NKTR: variants seen among roughly 807,000 people sequenced by gnomAD.
The protein encoded by NKTR is NK-tumor recognition protein.
Under a neutral mutation model 156.3 loss-of-function variants are expected in NKTR, and 67 were observed. The ratio of observed to expected loss-of-function variants is 0.43; its 90% CI spans 0.35 to 0.53. The LOEUF is 0.53. Ranked by LOEUF, NKTR falls within the 20% of genes least tolerant of loss-of-function variation. NKTR has a pLI of 0.01. For missense variants in NKTR, 1,604 were observed against 1,730.9 expected, an observed-to-expected ratio of 0.93 and a Z score of 1.30; for synonymous variants, 640 against 596.6, an observed-to-expected ratio of 1.07 and a Z score of -1.06.
At chr3:42,615,382 A>ATT (rs532851344) in intron 2 of NKTR, among the ~76,000 whole-genome samples, 5 of 139,292 alleles carry the variant, frequency 3.6e-5, no homozygotes, top group African/African-American at 2.6e-5. Flanking sequence ...CCTGGCCGAG[A>ATT]TTTTTTTTTT....
intron 6 of NKTR, among the ~76,000 whole-genome samples, chr3:42,625,694 A>G (rs1208854346): frequency 6.6e-6 from 1 of 152,164 alleles, no homozygotes; most frequent in Non-Finnish European, 1.5e-5. Context: ...GAGAAGCTCT[A>G]GCTTTTTCCT....
chr3:42,629,840 T>C, intron 6 of NKTR: 9 of 985,446 alleles, frequency 9.1e-6, no homozygotes, highest in Non-Finnish European at 1.1e-5. Context: ...TTGGTGACTG[T>C]AGAAGAAGCT....
chr3:42,643,366 C>G lies in NKTR; in HGVS notation c.4170C>G (p.Ser1390Arg). 6.2e-7 allele frequency: 1 copy of G among 1,614,096 alleles called. No homozygotes were observed. Among genetic ancestry groups the G allele is most frequent in the Non-Finnish European group, 8.5e-7 (1 of 1,179,950 alleles). ...HRTSSRSRSR[S>R]SSYDPHSRSR... ...CGTCCAGCAGGAGCAGATCCAGGAG[C>G]AGCTCATATGATCCCCACAGTCGAT... Residue 1390 changes from serine (S) to arginine (R), a missense_variant, in exon 15 of 17, where the codon AGC (serine) becomes AGG (arginine). By Grantham distance (110) the Ser-to-Arg change is moderately radical. Transcript: ENST00000232978.
At chr3:42,609,089 C>T (rs1706520028) in intron 2 of NKTR, among the ~76,000 whole-genome samples, 1 of 151,656 alleles carries the variant, frequency 6.6e-6, no homozygotes, top group Non-Finnish European at 1.5e-5. Context: ...GATCATACCA[C>T]TGCACTCCTG....
At chr3:42,643,439 A>C (rs1303328883) in intron 15 of NKTR, 44 bp downstream of exon 15, 1 of 1,485,686 alleles carries the variant, frequency 6.7e-7, no homozygotes, top group Non-Finnish European at 9.4e-7. Flanking sequence ...CAGAACTGAA[A>C]GATCTTGTTT....
intron 2 of NKTR, among the ~76,000 whole-genome samples, chr3:42,609,691 G>A (rs1173980414): frequency 1.3e-5 from 2 of 152,160 alleles, no homozygotes; most frequent in Non-Finnish European, 2.9e-5. Context: ...CTAAGAACAA[G>A]GTATCTCTCC....
chr3:42,638,806 A>G lies in NKTR; in HGVS notation c.3102A>G (p.Gln1034=). ...AGGAGGAGGAGATTGATGACAAGCA[A>G]GTTACTCAGGAATCAAAAGAGAAAA... ...EEEEEEIDDK[Q]VTQESKEKKV... The change falls in exon 13 of 17, where the codon CAA becomes CAG. Residue 1034 remains glutamine, a synonymous_variant. Coordinates refer to ENST00000232978, the MANE Select transcript of NKTR (RefSeq NM_005385.4). The G allele has an allele frequency of 6.2e-7, 1 of 1,610,244 alleles. No individual in the cohort carries two copies. The highest frequency in any genetic ancestry group is 1.1e-5 in the South Asian group (1 of 89,958).
chr3:42,603,360 TAAAAAA>T (rs376932471), intron 2 of NKTR, among the ~76,000 whole-genome samples: 1 of 92,744 alleles, frequency 1.1e-5, no homozygotes, highest in Non-Finnish European at 2.4e-5. Flanking sequence ...ATCTTGTTTC[TAAAAAA>T]AAAAAAAAAA....
chr3:42,623,936 G>T (rs1708141451), intron 6 of NKTR: 1 of 152,052 alleles, frequency 6.6e-6, no homozygotes, highest in South Asian at 2.1e-4. Context: ...TGTAGTTTTT[G>T]TTACAAATCT....
chr3:42,634,889 A>G, intron 11 of NKTR, 189 bp downstream of exon 11: 1 of 500,358 alleles, frequency 2.0e-6, no homozygotes, highest in East Asian at 3.2e-5. Context: ...GGTTTAATTG[A>G]GTATGAAAGG....
At position 42,638,163 on chromosome 3, in the gene NKTR, A is replaced by G; in HGVS notation, c.2459A>G (p.Gln820Arg). Reference protein sequence around the residue: ...DSEQSSVQATQSAQEKEKQGQ... With the variant: ...DSEQSSVQATRSAQEKEKQGQ... ...GAGCAGTCAAGTGTTCAGGCCACAC[A>G]GTCAGCCCAGGAAAAAGAGAAGCAG... The change falls in exon 13 of 17, where the codon CAG (glutamine) becomes CGG (arginine). Residue 820 changes from glutamine to arginine, a missense_variant. This residue lies in a region of NKTR where 1,255 missense variants were observed against 1,243.7 expected (regional missense o/e 1.01). Transcript: ENST00000232978. 1.9e-6 allele frequency: 3 copies of G among 1,612,980 alleles called. No individual in the cohort carries two copies. The highest frequency in any genetic ancestry group is 2.2e-5 in the South Asian group (2 of 90,794).
chr3:42,635,164 A>T, intron 11 of NKTR, 57 bp from the exon 12 acceptor site: 5 of 1,434,326 alleles, frequency 3.5e-6, no homozygotes, highest in Non-Finnish European at 4.8e-6. Context: ...ACTCTGTCAC[A>T]TAGCAGACTG....
chr3:42,638,813 C>T lies in NKTR; in HGVS notation c.3109C>T (p.Gln1037Ter). 1.2e-6 allele frequency: 2 copies of T among 1,607,736 alleles called. No individual in the cohort carries two copies. Among genetic ancestry groups the T allele is most frequent in the Non-Finnish European group, 1.7e-6 (2 of 1,178,432 alleles). Residue 1037 changes from glutamine (Q) to a stop codon, truncating the protein, a stop_gained, in exon 13 of 17, where the codon CAG (glutamine) becomes TAG (stop). Transcript: ENST00000232978. LOFTEE classifies it high-confidence loss of function. ...GGAGATTGATGACAAGCAAGTTACT[C>T]AGGAATCAAAAGAGAAAAAAGTTTC... ...EEEIDDKQVT[Q>*]ESKEKKVSEN...
chr3:42,630,575 G>T lies in NKTR; in HGVS notation c.404G>T (p.Gly135Val). The T allele has an allele frequency of 6.2e-7, 1 of 1,613,574 alleles. No homozygotes were observed. The highest frequency in any genetic ancestry group is 8.5e-7 in the Non-Finnish European group (1 of 1,179,664). The stretch of plus-strand genomic sequence containing the variant: ...ACAAAGCCTGCTCCACACCTGGATG[G>T]GTAAGAGTTACATTCTTACTACATT... ...ITTKPAPHLD[G>V]VHVVFGLVIS... Residue 135 changes from glycine (G) to valine (V), a missense_variant and splice_region_variant, in exon 7 of 17, where the codon GGG becomes GTG. Transcript: ENST00000232978.
chr3:42,635,319 A>G lies in NKTR; in HGVS notation c.1116A>G (p.Leu372=). 1 of 1,613,618 alleles carries G rather than the reference A, an allele frequency of 6.2e-7. No homozygotes were observed. The highest frequency in any genetic ancestry group is 8.5e-7 in the Non-Finnish European group (1 of 1,179,644). ...ACTGGAAAGAGGAAATGCAGAGATT[A>G]AGAGCATATAGACCACCTAGTGGAG... is the stretch of plus-strand genomic sequence containing the variant. ...PPHWKEEMQR[L]RAYRPPSGEK... is the part of the protein sequence containing the mutation. The change falls in exon 12 of 17, where the codon TTA becomes TTG. Residue 372 remains leucine (L), a synonymous_variant. Coordinates refer to ENST00000232978, the MANE Select transcript of NKTR (RefSeq NM_005385.4).
Position 42,632,728 on chromosome 3 carries a change from T to A in NKTR, c.678T>A (p.His226Gln). 6.2e-7 allele frequency: 1 copy of A among 1,613,116 alleles called. No homozygotes were observed. The highest frequency in any genetic ancestry group is 8.5e-7 in the Non-Finnish European group (1 of 1,179,802). Residue 226 changes from histidine (H) to glutamine (Q), a missense_variant, in exon 9 of 17, where the codon CAT becomes CAA. His to Gln is a conservative substitution (Grantham distance 24, BLOSUM62 0). Coordinates refer to ENST00000232978, the MANE Select transcript of NKTR (RefSeq NM_005385.4). ...LEHERSRRRK[H>Q]KRRPKVKRSK... ...ATGAGAGAAGCAGAAGGAGGAAACA[T>A]AAGAGGAGGCCAAAAGTTAAACGTT... is the stretch of plus-strand genomic sequence containing the variant.
chr3:42,635,313 G>C lies in NKTR; in HGVS notation c.1110G>C (p.Gln370His). 6.2e-7 allele frequency: 1 copy of C among 1,613,680 alleles called. No homozygotes were observed. Among genetic ancestry groups the C allele is most frequent in the Non-Finnish European group, 8.5e-7 (1 of 1,179,702 alleles). ...CTCCTCACTGGAAAGAGGAAATGCA[G>C]AGATTAAGAGCATATAGACCACCTA... is the stretch of plus-strand genomic sequence containing the variant. The part of the protein sequence containing the change: ...ETPPHWKEEM[Q>H]RLRAYRPPSG... Residue 370 changes from glutamine (Q) to histidine (H), a missense_variant, in exon 12 of 17, where the codon CAG becomes CAC. Gln to His is a conservative substitution (Grantham distance 24). Coordinates refer to ENST00000232978, the MANE Select transcript of NKTR (RefSeq NM_005385.4).
chr3:42,627,320 A>C (rs1708481918), intron 6 of NKTR: 1 of 985,470 alleles, frequency 1.0e-6, no homozygotes, highest in Non-Finnish European at 1.2e-6. Context: ...AGAAAAAAAA[A>C]AACTTTCTGC....
intron 6 of NKTR, among the ~76,000 whole-genome samples, chr3:42,626,648 T>G (rs1171083166): frequency 6.6e-6 from 1 of 152,122 alleles, no homozygotes; most frequent in Non-Finnish European, 1.5e-5. Flanking sequence ...CTCCTGAAAG[T>G]AGTCTGTTGT....
Sources: allele counts gnomAD v4.1 joint callset (sites outside exome capture counted in the v4.1 genomes callset), GRCh38; gene constraint gnomAD v4.1.1; regional missense constraint gnomAD v4.1.1; transcripts MANE v1.5; gene names NCBI Gene and HGNC (gene_info 2026-07-23, HGNC 2026-07-21).